Variants in CAPN5 observed in about 807,000 individuals in gnomAD.
CAPN5 encodes the protein calpain-5.
Under a neutral mutation model 73.0 loss-of-function variants are expected in CAPN5, and 54 were observed. The observed-to-expected ratio is 0.74, with a 90% CI of 0.59 to 0.93. The LOEUF (loss-of-function observed/expected upper bound fraction) is 0.93. Among genes scored for constraint, CAPN5 ranks in the 40% least tolerant of loss-of-function variants. The pLI, the probability that CAPN5 is intolerant of heterozygous loss-of-function variation, is 0.00. For synonymous variants in CAPN5, 335 were observed against 356.9 expected (o/e 0.94, Z 0.69); for missense variants, 785 against 882.9 (o/e 0.89, Z 1.41).
At chr11:77,112,826 G>C (rs1950425747) in intron 4 of CAPN5, 29 bp downstream of exon 4, 1 of 1,608,072 alleles carries the variant, frequency 6.2e-7, no homozygotes, top group African/African-American at 1.3e-5. Flanking sequence ...CAGGTGGGTG[G>C]GAGGCCCAGA....
intron 1 of CAPN5, among the ~76,000 whole-genome samples, chr11:77,083,655 C>A (rs58117135): frequency 6.6e-6 from 1 of 152,230 alleles, no homozygotes; most frequent in Admixed American, 6.5e-5. Flanking sequence ...TTGGCCCCTT[C>A]CCCCTCACTC....
rs369380007 is a variant in CAPN5 at position 77,093,966 on chromosome 11, T to G, written c.297+153T>G. Among the ~76,000 whole-genome samples the G allele has an allele frequency of 9.9e-5, 15 of 152,200 alleles. No individual in the cohort carries two copies. The South Asian group carries it at 1.7e-3, about 17-fold the overall frequency. ...GGGGGCCCCCAGTACTGGCCGAGCG[T>G]CGGAATTGCCATCCCTCACCCTTCA... On this transcript the variant is annotated intron_variant, in intron 3 of 12. Coordinates refer to ENST00000648180, the MANE Select transcript of CAPN5 (RefSeq NM_004055.5).
At chr11:77,093,945 G>T (rs1319740952) in intron 3 of CAPN5, 132 bp downstream of exon 3, 2 of 1,326,808 alleles carry the variant, frequency 1.5e-6, no homozygotes, top group South Asian at 2.8e-5. Context: ...TGGGGTGGGG[G>T]CCCCCAGTAC....
intron 3 of CAPN5, among the ~76,000 whole-genome samples, chr11:77,102,457 C>T (rs1169408003): frequency 6.6e-6 from 1 of 152,196 alleles, no homozygotes; most frequent in East Asian, 1.9e-4. Context: ...TGGTCCCCAC[C>T]ACCCTCCCCA....
In CAPN5 at chr11:77,093,630, G is replaced by A. The variant is rs569713886; in HGVS notation, c.166-52G>A. The stretch of plus-strand genomic sequence containing the variant: ...GTCTGTCATGTCTCCTGCCATGGGG[G>A]GCATCCGCATGCTCCTCCGCCCCTC... On this transcript the variant is annotated intron_variant, in intron 2 of 12. Transcript: ENST00000648180. The A allele has an allele frequency of 3.1e-4, 467 of 1,520,820 alleles. 2 individuals are homozygous for A. The highest frequency in any genetic ancestry group is 2.4e-3 in the South Asian group (198 of 83,456). The allele number at this position is 1,520,820 out of a possible 1,614,324, so 94.2% of individuals were successfully genotyped here. A position where few individuals can be genotyped will look rare whatever the true frequency, so the allele number is the denominator to read the frequency against.
At chr11:77,112,858 T>C in intron 4 of CAPN5, 61 bp downstream of exon 4, 1 of 1,485,172 alleles carries the variant, frequency 6.7e-7, no homozygotes, top group Non-Finnish European at 9.4e-7. Context: ...CCGGATGGGC[T>C]CCTCGTGGTA....
intron 3 of CAPN5, among the ~76,000 whole-genome samples, chr11:77,102,324 G>A (rs1950293911): frequency 6.6e-6 from 1 of 152,054 alleles, no homozygotes; most frequent in Admixed American, 6.5e-5. Context: ...CGGGCGTCAG[G>A]GGTAGCTCCA....
intron 2 of CAPN5, among the ~76,000 whole-genome samples, chr11:77,092,651 C>A (rs1372388939): frequency 6.6e-6 from 1 of 152,260 alleles, no homozygotes; most frequent in Admixed American, 6.5e-5. Context: ...ATGGAGCAGC[C>A]TCTTGGGCCG....
At chr11:77,116,471 T>C (rs1157391401) in intron 7 of CAPN5, among the ~76,000 whole-genome samples, 168 bp downstream of exon 7, 1 of 152,168 alleles carries the variant, frequency 6.6e-6, no homozygotes, top group Non-Finnish European at 1.5e-5. Flanking sequence ...TTTCCTCCTC[T>C]GTAAAATTAG....
chr11:77,099,098 C>T (rs201737806), intron 3 of CAPN5, among the ~76,000 whole-genome samples: 1,211 of 24,876 alleles, frequency 0.049, 4 homozygotes, highest in East Asian at 0.16. Context: ...GATGGGGCGG[C>T]GGGGCAGAGG....
intron 3 of CAPN5, chr11:77,102,877 T>C: frequency 6.2e-7 from 1 of 1,609,666 alleles, no homozygotes; most frequent in Non-Finnish European, 8.5e-7. Flanking sequence ...CAGCTGGACA[T>C]GCCGCTGGTC....
At chr11:77,116,430 C>T (rs1555041807) in intron 7 of CAPN5, 127 bp downstream of exon 7, 4 of 739,868 alleles carry the variant, frequency 5.4e-6, no homozygotes, top group Non-Finnish European at 9.6e-6. Flanking sequence ...TGCTGTGTGG[C>T]CTTGGACAAG....
chr11:77,092,600 G>A (rs1055129602), intron 2 of CAPN5, among the ~76,000 whole-genome samples: 15 of 152,258 alleles, frequency 9.9e-5, no homozygotes, highest in Admixed American at 5.2e-4. Flanking sequence ...GATCATTCCC[G>A]GGTCAGCGGC....
chr11:77,091,836 C>T (rs1555036571), intron 2 of CAPN5, among the ~76,000 whole-genome samples: 1 of 152,238 alleles, frequency 6.6e-6, no homozygotes, highest in Non-Finnish European at 1.5e-5. Flanking sequence ...GGCATAGCTT[C>T]CTAGCACCTG....
intron 1 of CAPN5, among the ~76,000 whole-genome samples, chr11:77,074,929 A>C (rs1949952565): frequency 6.6e-6 from 1 of 152,136 alleles, no homozygotes; most frequent in African/African-American, 2.4e-5. Context: ...CGGCCCTGGA[A>C]CCCAGCCCCT....
chr11:77,092,779 C>T (rs1382981324), intron 2 of CAPN5, among the ~76,000 whole-genome samples: 1 of 152,184 alleles, frequency 6.6e-6, no homozygotes. Context: ...CCAGCCTGGC[C>T]AACATGGAGA....
intron 1 of CAPN5, chr11:77,072,931 T>C: frequency 5.0e-6 from 2 of 399,750 alleles, no homozygotes; most frequent in South Asian, 3.9e-5. Flanking sequence ...TTTCCTGGGC[T>C]CACACAGCAC....
intron 1 of CAPN5, among the ~76,000 whole-genome samples, chr11:77,075,802 G>A (rs782382667): frequency 2.0e-5 from 3 of 152,074 alleles, no homozygotes; most frequent in African/African-American, 2.4e-5. Context: ...AGGTCAAGAA[G>A]TAGTTTTACC....
intron 1 of CAPN5, among the ~76,000 whole-genome samples, chr11:77,071,989 G>A (rs1395958027): frequency 2.0e-5 from 3 of 152,150 alleles, no homozygotes. Flanking sequence ...CGCCATACTG[G>A]GCCCCGCTTC....
Sources: allele counts gnomAD v4.1 joint callset (sites outside exome capture counted in the v4.1 genomes callset), GRCh38; gene constraint gnomAD v4.1.1; transcripts MANE v1.5; gene names NCBI Gene and HGNC (gene_info 2026-07-23, HGNC 2026-07-21).